Variants in FECH observed in about 807,000 individuals in gnomAD.
The protein encoded by FECH is ferrochelatase, mitochondrial.
Under a neutral mutation model 56.9 loss-of-function variants are expected in FECH, and 40 were observed. The observed-to-expected ratio is 0.70, with a 90% CI of 0.55 to 0.92. The LOEUF (loss-of-function observed/expected upper bound fraction) is 0.92, where lower values mean the gene tolerates loss of function less well. Among genes scored for constraint, FECH ranks in the 40% least tolerant of loss-of-function variants. FECH has a pLI of 0.00. For synonymous variants in FECH, 175 were observed against 198.6 expected, an observed-to-expected ratio of 0.88 and a Z score of 1.00; for missense variants, 431 against 529.1, an observed-to-expected ratio of 0.81 and a Z score of 1.82.
At chr18:57,558,285 T>C (rs1049497698) in intron 7 of FECH, among the ~76,000 whole-genome samples, 1 of 152,256 alleles carries the variant, frequency 6.6e-6, no homozygotes, top group Non-Finnish European at 1.5e-5. Flanking sequence ...ACTAGCTTGA[T>C]CATTCTTGTT....
chr18:57,548,068 T>C lies in FECH; in HGVS notation c.*2644A>G, dbSNP rs558443758. Among the ~76,000 whole-genome samples, 25 of 151,846 alleles carry C rather than the reference T, an allele frequency of 1.6e-4. No individual in the cohort carries two copies. The highest frequency in any genetic ancestry group is 1.5e-3 in the Admixed American group (23 of 15,250). On this transcript the variant is annotated 3_prime_UTR_variant, in exon 11 of 11. Coordinates refer to ENST00000262093, the MANE Select transcript of FECH (RefSeq NM_000140.5). ...GAGTTCAAGACCAGCCTGGACAACA[T>C]GGCAAAACCCCATCTCTACAAAAAA...
chr18:57,582,688 T>G (rs986578769), intron 1 of FECH, among the ~76,000 whole-genome samples: 1 of 146,336 alleles, frequency 6.8e-6, no homozygotes, highest in Non-Finnish European at 1.5e-5. Context: ...CCGAGGCGGG[T>G]GGATCACGAG....
Position 57,559,279 on chromosome 18 carries a change from G to C in FECH, c.706-36C>G, listed in dbSNP as rs537260333. On this transcript the variant is annotated intron_variant, in intron 6 of 10. Transcript: ENST00000262093. ...AACAAGAAAGGAGGATAAAGAGGAA[G>C]GGAAGAAAGAAATGGAAGGAAAAAG... is the stretch of plus-strand genomic sequence containing the variant. 131 of 1,384,298 alleles carry C rather than the reference G, an allele frequency of 9.5e-5. 1 individual carries two copies. In the South Asian group the frequency reaches 1.5e-3, roughly 16 times the overall value. 85.8% of individuals were successfully genotyped at this position (1,384,298 alleles called of 1,614,324 possible). A position where few individuals can be genotyped will look rare whatever the true frequency, so the allele number is the denominator to read the frequency against.
chr18:57,550,759 G>T lies in FECH; in HGVS notation c.1225C>A (p.Pro409Thr). 6.2e-7 allele frequency: 1 copy of T among 1,614,186 alleles called. No homozygotes were observed. The highest frequency in any genetic ancestry group is 8.5e-7 in the Non-Finnish European group (1 of 1,180,020). ...LTLSCPLCVN[P>T]VCRETKSFFT... ...AAGGATTTAGTCTCCCTGCAGACAG[G>T]ATTGACACAGAGCGGACAGCTCAGG... The change falls in exon 11 of 11, where the codon CCT (proline) becomes ACT (threonine). Residue 409 changes from proline (P) to threonine (T), a missense_variant. By Grantham distance (38) the Pro-to-Thr change is conservative. Coordinates refer to ENST00000262093, the MANE Select transcript of FECH (RefSeq NM_000140.5).
At chr18:57,567,509 T>C (rs539907274) in intron 4 of FECH, among the ~76,000 whole-genome samples, 90 of 152,352 alleles carry the variant, frequency 5.9e-4, no homozygotes, top group South Asian at 1.9e-3. Flanking sequence ...CTTAGTCTTG[T>C]TTCCTTGCCT....
chr18:57,556,557 G>A (rs2050869757), intron 7 of FECH, among the ~76,000 whole-genome samples: 3 of 152,014 alleles, frequency 2.0e-5, no homozygotes, highest in Non-Finnish European at 2.9e-5. Context: ...AACTTCAGAC[G>A]AACCCAGATG....
Position 57,544,645 on chromosome 18 carries a change from C to T in FECH, c.*6067G>A, listed in dbSNP as rs919632084. 1.3e-5 allele frequency among the ~76,000 whole-genome samples: 2 copies of T among 152,132 alleles called. No homozygotes were observed. Among genetic ancestry groups the T allele is most frequent in the African/African-American group, 4.8e-5 (2 of 41,420 alleles). On this transcript the variant is annotated 3_prime_UTR_variant, in exon 11 of 11. Transcript: ENST00000262093. ...AAATATGAAACAACTTCTTTGTATG[C>T]CAATACTTCACTTGGATAAGTTGAA...
chr18:57,580,375 G>T (rs771452661), intron 1 of FECH, among the ~76,000 whole-genome samples, 176 bp from the exon 2 acceptor site: 4 of 152,132 alleles, frequency 2.6e-5, no homozygotes, highest in Admixed American at 1.3e-4. Context: ...CAAGGGGATG[G>T]GGTGGAGGAT....
intron 2 of FECH, among the ~76,000 whole-genome samples, chr18:57,579,751 T>TA (rs2122355794): frequency 6.6e-6 from 1 of 152,364 alleles, no homozygotes; most frequent in Non-Finnish European, 1.5e-5. Flanking sequence ...TTCATAGGCA[T>TA]AATTATGTTA....
intron 7 of FECH, among the ~76,000 whole-genome samples, chr18:57,557,974 G>A (rs190636798): frequency 6.6e-6 from 1 of 152,326 alleles, no homozygotes; most frequent in East Asian, 1.9e-4. Context: ...GCTTCCAGAA[G>A]AGAGGAATTT....
At chr18:57,581,896 C>T (rs2051284060) in intron 1 of FECH, among the ~76,000 whole-genome samples, 1 of 152,130 alleles carries the variant, frequency 6.6e-6, no homozygotes, top group African/African-American at 2.4e-5. Flanking sequence ...GTACACATTC[C>T]TAGCACAGCC....
intron 7 of FECH, among the ~76,000 whole-genome samples, chr18:57,556,129 G>A (rs527565255): frequency 3.9e-5 from 6 of 151,968 alleles, no homozygotes; most frequent in East Asian, 1.9e-4. Flanking sequence ...ACTCCATCTC[G>A]AAAACAAAAA....
chr18:57,575,633 G>A (rs2051174781), intron 2 of FECH, among the ~76,000 whole-genome samples: 1 of 152,248 alleles, frequency 6.6e-6, no homozygotes, highest in South Asian at 2.1e-4. Flanking sequence ...TATATAGACA[G>A]AGTCTCGCCA....
At chr18:57,551,466 CAGAT>C in intron 9 of FECH, 92 bp from the exon 10 acceptor site, 1 of 905,042 alleles carries the variant, frequency 1.1e-6, no homozygotes, top group Non-Finnish European at 1.8e-6. Flanking sequence ...TAAATACACA[CAGAT>C]ACACACACAC....
At chr18:57,577,933 T>C (rs1379013172) in intron 2 of FECH, among the ~76,000 whole-genome samples, 1 of 151,504 alleles carries the variant, frequency 6.6e-6, no homozygotes. Context: ...TATTGGGTGG[T>C]AAGATTATTC....
chr18:57,571,955 T>C (rs2122323690), intron 3 of FECH, among the ~76,000 whole-genome samples: 1 of 152,362 alleles, frequency 6.6e-6, no homozygotes, highest in Middle Eastern at 3.4e-3. Flanking sequence ...TACACTTGCA[T>C]ATAGGAGCAA....
rs377519834 is a variant in FECH at position 57,554,829 on chromosome 18, T to C, written c.912+16A>G. 1 of 1,604,194 alleles carries C rather than the reference T, an allele frequency of 6.2e-7. No homozygotes were observed. The highest frequency in any genetic ancestry group is 2.2e-5 in the East Asian group (1 of 44,842). On this transcript the variant is annotated intron_variant, in intron 8 of 10. Transcript: ENST00000262093. ...CCAATAAGAGCTGGCCGCCCGCCAG[T>C]GTGGAAGCCACTTACCTTGGATTGC...
intron 9 of FECH, among the ~76,000 whole-genome samples, chr18:57,553,625 T>C (rs1200592808): frequency 8.5e-5 from 13 of 152,236 alleles, no homozygotes. Context: ...GTTTTTCTCC[T>C]CCCTGAATGA....
At position 57,573,425 on chromosome 18, in the gene FECH, A is replaced by T. The variant is rs924487418; in HGVS notation, c.195-60T>A. On this transcript the variant is annotated intron_variant, in intron 2 of 10. Coordinates refer to ENST00000262093, the MANE Select transcript of FECH (RefSeq NM_000140.5). ...CACTTCTTATTTTCTTCCAGGGTGG[A>T]CTCTTGGTTCAGCCAGCAAACTCTA... 1.9e-6 allele frequency: 3 copies of T among 1,601,274 alleles called. No homozygotes were observed. The African/African-American group carries it at 4.0e-5, about 21-fold the overall frequency.
Sources: gnomAD v4.1 joint callset for allele counts (sites outside exome capture counted in the v4.1 genomes callset) on GRCh38, gnomAD v4.1.1 for gene constraint, MANE v1.5 for transcripts, NCBI Gene and HGNC (gene_info 2026-07-23, HGNC 2026-07-21) for gene names.